Variants in ST7 observed in about 807,000 individuals in gnomAD.
ST7 encodes the protein suppressor of tumorigenicity 7 protein.
A neutral mutation model predicts 78.7 loss-of-function variants in ST7; 28 were observed. The observed-to-expected ratio is 0.36, with a 90% CI of 0.26 to 0.49. The LOEUF is 0.49. Among genes scored for constraint, ST7 ranks in the 20% least tolerant of loss-of-function variants. The pLI is 0.99. For missense variants in ST7, 418 were observed against 696.0 expected, an observed-to-expected ratio of 0.60 and a Z score of 4.49; for synonymous variants, 247 against 249.6, an observed-to-expected ratio of 0.99 and a Z score of 0.10.
chr7:116,978,434 G>C (rs1258569253), intron 1 of ST7, among the ~76,000 whole-genome samples: 1 of 152,170 alleles, frequency 6.6e-6, no homozygotes, highest in African/African-American at 2.4e-5. Flanking sequence ...TCTAGAAAAG[G>C]CTGTTGACTA....
chr7:117,125,542 A>G (rs1423165728), intron 3 of ST7, among the ~76,000 whole-genome samples: 2 of 152,226 alleles, frequency 1.3e-5, no homozygotes, highest in East Asian at 3.9e-4. Context: ...AAACAGTTAA[A>G]GCTTAATTAT....
chr7:117,117,039 A>G (rs138807517), intron 2 of ST7, among the ~76,000 whole-genome samples: 93 of 152,352 alleles, frequency 6.1e-4, no homozygotes, highest in Middle Eastern at 6.8e-3. Context: ...CAAGGGAGCT[A>G]TAAAGTCTTG....
chr7:116,985,334 G>A (rs921877515), intron 1 of ST7, among the ~76,000 whole-genome samples: 3 of 152,186 alleles, frequency 2.0e-5, no homozygotes, highest in African/African-American at 7.2e-5. Flanking sequence ...ACCTAGGCTA[G>A]TTCATGAATT....
intron 2 of ST7, chr7:117,118,538 G>A (rs1803092581): frequency 6.6e-6 from 1 of 152,104 alleles, no homozygotes; most frequent in Non-Finnish European, 1.5e-5. Context: ...TGTTTTTATG[G>A]AATAAGTAAG....
In ST7 at chr7:116,968,996, T is replaced by C. The variant is rs576577050; in HGVS notation, c.151+15305T>C. ...TACCTGTATAGAAAGGGACAGGAAA[T>C]AATATGAGAAATAATAATAGTGGGG... On this transcript the variant is annotated intron_variant, in intron 1 of 15. Transcript: ENST00000323984. Among the ~76,000 whole-genome samples, 38 of 152,348 alleles carry C rather than the reference T, an allele frequency of 2.5e-4. 1 individual carries two copies. The highest frequency in any genetic ancestry group is 5.9e-4 in the Admixed American group (9 of 15,308).
chr7:117,077,455 T>G (rs1322743665), intron 1 of ST7, among the ~76,000 whole-genome samples: 1 of 152,150 alleles, frequency 6.6e-6, no homozygotes, highest in Non-Finnish European at 1.5e-5. Context: ...TAACATCACT[T>G]AGAGGAAGGT....
chr7:117,028,681 A>G (rs1029306447), intron 1 of ST7, among the ~76,000 whole-genome samples: 12 of 152,198 alleles, frequency 7.9e-5, no homozygotes, highest in African/African-American at 2.9e-4. Flanking sequence ...TAAAACAATT[A>G]TGTATTATTA....
intron 3 of ST7, among the ~76,000 whole-genome samples, chr7:117,120,024 G>A (rs1157591932): frequency 1.3e-5 from 2 of 151,636 alleles, no homozygotes; most frequent in Non-Finnish European, 2.9e-5. Flanking sequence ...CACCTCTTAT[G>A]CTCGGGTGAT....
intron 2 of ST7, among the ~76,000 whole-genome samples, chr7:117,109,082 T>A (rs543857770): frequency 1.3e-5 from 2 of 152,336 alleles, no homozygotes; most frequent in African/African-American, 2.4e-5. Context: ...CCGATTTGAA[T>A]GCCCTTTATT....
At chr7:117,130,692 A>T (rs1037883501) in intron 5 of ST7, 86 bp downstream of exon 5, 2 of 886,994 alleles carry the variant, frequency 2.3e-6, no homozygotes, top group Non-Finnish European at 3.5e-6. Context: ...TCCACTCTGT[A>T]AAACTCCAAT....
At chr7:117,007,233 A>AACACAC (rs1473279130) in intron 1 of ST7, among the ~76,000 whole-genome samples, 1 of 152,224 alleles carries the variant, frequency 6.6e-6, no homozygotes, top group Non-Finnish European at 1.5e-5. Context: ...AAGGAAATGT[A>AACACAC]AAGTGCTACT....
rs534843608 is a variant in ST7, at chr7:117,170,799, T to G, written c.964-63T>G. The G allele has an allele frequency of 4.1e-5, 27 of 658,914 alleles. No individual in the cohort carries two copies. In the South Asian group the frequency reaches 1.2e-3, roughly 29 times the overall value. 40.8% of individuals were successfully genotyped at this position (658,914 alleles called of 1,614,324 possible). On this transcript the variant is annotated intron_variant, in intron 9 of 15. Transcript: ENST00000323984. Reference sequence around the variant, plus strand: ...TACAATAAATATATATAATAAAATATGTACAATAAAATTATAAGACATACA... The same window carrying G: ...TACAATAAATATATATAATAAAATAGGTACAATAAAATTATAAGACATACA...
chr7:116,966,460 A>C (rs188530358), intron 1 of ST7, among the ~76,000 whole-genome samples: 2 of 152,176 alleles, frequency 1.3e-5, no homozygotes, highest in Non-Finnish European at 2.9e-5. Flanking sequence ...TATGTTGGCC[A>C]GGCTGGTCTT....
chr7:116,983,009 C>T (rs1181782469), intron 1 of ST7, among the ~76,000 whole-genome samples: 1 of 152,188 alleles, frequency 6.6e-6, no homozygotes, highest in Non-Finnish European at 1.5e-5. Flanking sequence ...AGCGATTCTC[C>T]TGCCTGAGCC....
intron 1 of ST7, among the ~76,000 whole-genome samples, chr7:117,022,730 A>G (rs1201563033): frequency 6.6e-6 from 1 of 152,076 alleles, no homozygotes; most frequent in African/African-American, 2.4e-5. Flanking sequence ...GGTAAGGGTT[A>G]ATTTTTTTCT....
At chr7:117,119,362 A>C (rs999022824) in intron 2 of ST7, among the ~76,000 whole-genome samples, 199 bp from the exon 3 acceptor site, 4 of 152,220 alleles carry the variant, frequency 2.6e-5, no homozygotes, top group African/African-American at 4.8e-5. Context: ...TTTTGAAACC[A>C]GTATTAAGCA....
chr7:117,030,021 C>G (rs1796394834), intron 1 of ST7, among the ~76,000 whole-genome samples: 1 of 152,074 alleles, frequency 6.6e-6, no homozygotes, highest in Non-Finnish European at 1.5e-5. Context: ...TTTCATATCC[C>G]TATGCATTTT....
chr7:117,124,409 T>A (rs753926582), intron 3 of ST7, among the ~76,000 whole-genome samples: 6 of 152,158 alleles, frequency 3.9e-5, no homozygotes, highest in Non-Finnish European at 8.8e-5. Context: ...ACATGGCGGA[T>A]AACCTGGGTA....
In ST7 at chr7:117,219,008, C is replaced by T. The variant is rs1792893019; in HGVS notation, c.1406-76C>T. On this transcript the variant is annotated intron_variant, in intron 13 of 15. Transcript: ENST00000323984. The surrounding 1 kb of genome is among the most constrained non-coding windows in gnomAD (Gnocchi z 5.1). The stretch of plus-strand genomic sequence containing the variant: ...AAGTGTTCCCTGTTATAAAAATGCT[C>T]AAACGCCCCTTTTTGCAGTTGGGAA... 1 of 1,217,260 alleles carries T rather than the reference C, an allele frequency of 8.2e-7. No individual in the cohort carries two copies. The highest frequency in any genetic ancestry group is 1.2e-6 in the Non-Finnish European group (1 of 842,760). The allele number at this position is 1,217,260 out of a possible 1,614,324, so 75.4% of individuals were successfully genotyped here.
Sources: gnomAD v4.1 joint callset for allele counts (sites outside exome capture counted in the v4.1 genomes callset) on GRCh38, gnomAD v4.1.1 for gene constraint, Gnocchi (gnomAD v3.1) non-coding constraint, MANE v1.5 for transcripts, NCBI Gene and HGNC (gene_info 2026-07-23, HGNC 2026-07-21) for gene names.